PKNOX2: variants seen among roughly 807,000 people sequenced by gnomAD.
PKNOX2 encodes the protein homeobox protein PKNOX2.
PKNOX2 carries 14 observed loss-of-function variants against 53.1 expected under a neutral mutation model. That is an observed-to-expected ratio of 0.26 (90% confidence interval 0.17 to 0.41). The LOEUF is 0.41. Among genes scored for constraint, PKNOX2 ranks in the 10% least tolerant of loss-of-function variants. PKNOX2 has a pLI of 1.00. For synonymous variants in PKNOX2, 257 were observed against 242.8 expected (o/e 1.06, Z -0.54); for missense variants, 496 against 602.8 (o/e 0.82, Z 1.85).
intron 2 of PKNOX2, among the ~76,000 whole-genome samples, chr11:125,310,935 T>C (rs1427472778): frequency 6.6e-6 from 1 of 152,204 alleles, no homozygotes; most frequent in Admixed American, 6.5e-5. Flanking sequence ...TGCCCCGGGA[T>C]ATAGCTGCCT....
intron 1 of PKNOX2, among the ~76,000 whole-genome samples, chr11:125,234,051 G>T (rs1016374054): frequency 6.6e-6 from 1 of 152,124 alleles, no homozygotes; most frequent in Non-Finnish European, 1.5e-5. Flanking sequence ...TCTGCCCCTT[G>T]GCCCTTGCTT....
intron 4 of PKNOX2, among the ~76,000 whole-genome samples, chr11:125,355,303 A>G (rs1222926765): frequency 6.6e-6 from 1 of 151,402 alleles, no homozygotes; most frequent in Non-Finnish European, 1.5e-5. Context: ...AGAAAGAAAG[A>G]AAGTGCAAAA....
At chr11:125,243,476 T>G (rs187029070) in intron 2 of PKNOX2, among the ~76,000 whole-genome samples, 157 of 152,342 alleles carry the variant, frequency 1.0e-3, no homozygotes, top group Non-Finnish European at 1.4e-3. Flanking sequence ...TCTTTGCATA[T>G]GCTGTTCCCT....
intron 2 of PKNOX2, among the ~76,000 whole-genome samples, chr11:125,310,782 T>G (rs1358635033): frequency 6.6e-6 from 1 of 152,176 alleles, no homozygotes. Flanking sequence ...GAGATGCTAG[T>G]TTACCATCTC....
chr11:125,368,084 A>G, intron 5 of PKNOX2, 99 bp downstream of exon 5: 1 of 1,421,446 alleles, frequency 7.0e-7, no homozygotes, highest in African/African-American at 1.5e-5. Flanking sequence ...GGCTCGGCAG[A>G]GATGACGGCC....
chr11:125,310,494 CA>C (rs909523781), intron 2 of PKNOX2, among the ~76,000 whole-genome samples: 173 of 140,616 alleles, frequency 1.2e-3, no homozygotes, highest in East Asian at 4.4e-3. Context: ...GACTCTGTCT[CA>C]AAAAAAAAAA....
chr11:125,173,419 C>T (rs1366932187), intron 1 of PKNOX2, among the ~76,000 whole-genome samples: 1 of 152,076 alleles, frequency 6.6e-6, no homozygotes, highest in Non-Finnish European at 1.5e-5. Flanking sequence ...TTTAGGGTAG[C>T]CCAGGCTTAT....
intron 1 of PKNOX2, among the ~76,000 whole-genome samples, chr11:125,230,107 G>A (rs879832170): frequency 2.6e-5 from 4 of 152,214 alleles, no homozygotes; most frequent in African/African-American, 4.8e-5. Context: ...GCCTTTCCAG[G>A]TCCTTTGCAA....
At chr11:125,385,814 C>T (rs891047223) in intron 6 of PKNOX2, 92 bp downstream of exon 6, 1 of 1,460,016 alleles carries the variant, frequency 6.8e-7, no homozygotes, top group Non-Finnish European at 9.2e-7. Context: ...CATTAATTTA[C>T]CAACAAAAGG....
intron 2 of PKNOX2, among the ~76,000 whole-genome samples, chr11:125,325,873 C>CA (rs1207617579): frequency 2.0e-5 from 3 of 152,148 alleles, no homozygotes; most frequent in African/African-American, 7.2e-5. Context: ...AGGAAGCATG[C>CA]AAAATAATAC....
intron 5 of PKNOX2, among the ~76,000 whole-genome samples, chr11:125,376,320 G>A (rs539887615): frequency 9.9e-5 from 15 of 152,188 alleles, no homozygotes; most frequent in Non-Finnish European, 1.9e-4. Flanking sequence ...AAATACACCC[G>A]CATGGTTTCA....
intron 10 of PKNOX2, among the ~76,000 whole-genome samples, chr11:125,415,164 A>T (rs1955802718): frequency 3.3e-5 from 5 of 150,126 alleles, no homozygotes; most frequent in Admixed American, 3.3e-4. Flanking sequence ...AGGATTTATG[A>T]GGTCTTGCAC....
At chr11:125,288,586 C>T (rs998228685) in intron 2 of PKNOX2, among the ~76,000 whole-genome samples, 9 of 152,332 alleles carry the variant, frequency 5.9e-5, no homozygotes, top group African/African-American at 2.2e-4. Context: ...CGTAGTCACC[C>T]TTTTATGTCT....
intron 3 of PKNOX2, among the ~76,000 whole-genome samples, chr11:125,333,549 T>TACACACACACACACACACACAC (rs57352759): frequency 6.3e-5 from 9 of 142,324 alleles, no homozygotes; most frequent in African/African-American, 2.3e-4. Flanking sequence ...CACACACACA[T>TACACACACACACACACACACAC]ACACACACAC....
intron 2 of PKNOX2, chr11:125,287,632 G>A (rs1946993992): frequency 6.6e-6 from 1 of 152,170 alleles, no homozygotes; most frequent in South Asian, 2.1e-4. Context: ...GTGGTGTTGG[G>A]CTAGTTCCCG....
chr11:125,341,771 A>T (rs1335778026), intron 3 of PKNOX2, among the ~76,000 whole-genome samples: 1 of 152,232 alleles, frequency 6.6e-6, no homozygotes, highest in Non-Finnish European at 1.5e-5. Context: ...AAGGCACGAG[A>T]GCATCTTAGG....
At chr11:125,174,121 G>C (rs1472180157) in intron 1 of PKNOX2, among the ~76,000 whole-genome samples, 1 of 152,216 alleles carries the variant, frequency 6.6e-6, no homozygotes, top group Non-Finnish European at 1.5e-5. Flanking sequence ...CCTCCCAGGA[G>C]ACCTTCCTCT....
chr11:125,397,794 G>T (rs2135456372), intron 6 of PKNOX2, 80 bp from the exon 7 acceptor site: 1 of 1,410,890 alleles, frequency 7.1e-7, no homozygotes, highest in African/African-American at 1.4e-5. Context: ...CCCTCCCCTG[G>T]GGTGGTGGGG....
intron 10 of PKNOX2, among the ~76,000 whole-genome samples, chr11:125,414,878 A>G (rs1955787955): frequency 6.6e-6 from 1 of 152,226 alleles, no homozygotes. Context: ...AGAACAATGG[A>G]CCAAGAGCAA....
Sources: gnomAD v4.1 joint callset for allele counts (sites outside exome capture counted in the v4.1 genomes callset) on GRCh38, gnomAD v4.1.1 for gene constraint, MANE v1.5 for transcripts, NCBI Gene and HGNC (gene_info 2026-07-23, HGNC 2026-07-21) for gene names.